PSD3: variants seen among roughly 807,000 people sequenced by gnomAD.
PSD3 encodes pleckstrin and Sec7 domain containing 3, also known as PH and SEC7 domain-containing protein 3.
Under a neutral mutation model 105.5 loss-of-function variants are expected in PSD3, and 49 were observed. That is an observed-to-expected ratio of 0.46 (90% CI 0.37 to 0.59). PSD3 has a LOEUF of 0.59. Among genes scored for constraint, PSD3 ranks in the 20% least tolerant of loss-of-function variants. PSD3 has a pLI of 0.00. For missense variants in PSD3, 1,561 were observed against 1,263.8 expected (o/e 1.24, Z -3.57); for synonymous variants, 557 against 457.8 (o/e 1.22, Z -2.77).
At chr8:18,783,053 G>A (rs1019040618) in intron 8 of PSD3, among the ~76,000 whole-genome samples, 1 of 152,058 alleles carries the variant, frequency 6.6e-6, no homozygotes, top group Non-Finnish European at 1.5e-5. Context: ...TTTTTCTGAA[G>A]GGTGTAAAAA....
chr8:18,780,833 C>A (rs553817624), intron 8 of PSD3, among the ~76,000 whole-genome samples: 1 of 152,130 alleles, frequency 6.6e-6, no homozygotes, highest in Non-Finnish European at 1.5e-5. Flanking sequence ...GTATTACAGG[C>A]GTGAGCCACC....
intron 9 of PSD3, chr8:18,730,174 T>C (rs1358920146): frequency 1.3e-5 from 2 of 152,188 alleles, no homozygotes; most frequent in Non-Finnish European, 2.9e-5. Flanking sequence ...GACTATGAAA[T>C]GTTTCCGTGG....
intron 10 of PSD3, among the ~76,000 whole-genome samples, chr8:18,650,795 C>T (rs1308531877): frequency 6.6e-6 from 1 of 152,222 alleles, no homozygotes; most frequent in African/African-American, 2.4e-5. Context: ...ATTAATACAA[C>T]ATTCTCTTAA....
intron 1 of PSD3, among the ~76,000 whole-genome samples, chr8:18,947,112 A>G (rs1822914769): frequency 6.6e-6 from 1 of 152,182 alleles, no homozygotes; most frequent in East Asian, 1.9e-4. Flanking sequence ...TCCAAAAGTC[A>G]GTAACAACAT....
Position 18,696,536 on chromosome 8 carries a change from G to T in PSD3, c.2173-40851C>A, listed in dbSNP as rs1004139905. 2.6e-5 allele frequency among the ~76,000 whole-genome samples: 4 copies of T among 152,084 alleles called. No individual in the cohort carries two copies. In the South Asian group the frequency reaches 8.3e-4, roughly 32 times the overall value. On this transcript the variant is annotated intron_variant, in intron 9 of 15. Transcript: ENST00000327040. ...CTCAGCTTGTGTTAAGATACATTCC[G>T]AGGAGCAAATAAAAGTGCATTTCTT...
intron 9 of PSD3, among the ~76,000 whole-genome samples, chr8:18,705,747 G>C (rs17645015): frequency 0.026 from 3,893 of 152,130 alleles, 353 homozygotes; most frequent in East Asian, 0.17. Context: ...GGCTATGTCT[G>C]GGTAACTATT....
intron 1 of PSD3, among the ~76,000 whole-genome samples, chr8:18,950,073 C>T (rs1586505872): frequency 6.6e-6 from 1 of 152,070 alleles, no homozygotes; most frequent in East Asian, 1.9e-4. Context: ...AATAGGTGCC[C>T]AATAGCACCT....
At chr8:18,803,921 A>C (rs1810961916) in intron 6 of PSD3, among the ~76,000 whole-genome samples, 2 of 151,644 alleles carry the variant, frequency 1.3e-5, no homozygotes, top group South Asian at 2.1e-4. Flanking sequence ...AAAATTGCTA[A>C]GATGAAAGAT....
chr8:18,561,253 G>T (rs1801380951), intron 14 of PSD3, among the ~76,000 whole-genome samples: 1 of 152,102 alleles, frequency 6.6e-6, no homozygotes, highest in Non-Finnish European at 1.5e-5. Flanking sequence ...AATGGATAAG[G>T]AAAATGTGGT....
At chr8:18,994,689 T>C (rs1022866838) in intron 1 of PSD3, among the ~76,000 whole-genome samples, 2 of 152,040 alleles carry the variant, frequency 1.3e-5, no homozygotes, top group African/African-American at 2.4e-5. Context: ...ATTACCTACA[T>C]TACTTCCATT....
chr8:18,760,424 AACCACCATTTAACTCCATGAATCTGTGAG>A (rs368606727), intron 9 of PSD3, among the ~76,000 whole-genome samples: 8,971 of 152,242 alleles, frequency 0.059, 429 homozygotes, highest in East Asian at 0.21. Context: ...GACCCCTGGT[AACCACCATTTAACTCCATGAATCTGTGAG>A]ATCAACTTTT....
chr8:19,002,372 C>T (rs1323762645), intron 1 of PSD3, among the ~76,000 whole-genome samples: 2 of 151,920 alleles, frequency 1.3e-5, no homozygotes, highest in Non-Finnish European at 2.9e-5. Flanking sequence ...CACTTATAAA[C>T]ACATGGTTCT....
chr8:18,643,859 T>C (rs1302837285), intron 10 of PSD3, among the ~76,000 whole-genome samples: 1 of 152,224 alleles, frequency 6.6e-6, no homozygotes, highest in Non-Finnish European at 1.5e-5. Flanking sequence ...TCTGTGTGCC[T>C]GCAGAATTAG....
At chr8:18,873,803 C>A (rs1251440947) in intron 2 of PSD3, among the ~76,000 whole-genome samples, 1 of 152,156 alleles carries the variant, frequency 6.6e-6, no homozygotes, top group African/African-American at 2.4e-5. Context: ...TTAGATTCTA[C>A]ATATTAGTAA....
In PSD3 at chr8:18,644,690, A is replaced by G. The variant is rs570833349; in HGVS notation, c.2216+10952T>C. Among the ~76,000 whole-genome samples the G allele has an allele frequency of 2.0e-5, 3 of 152,208 alleles. No homozygotes were observed. The East Asian group carries it at 5.8e-4, about 29-fold the overall frequency. ...TGCAGCAGTCTAGGCTTTTTCTAGC[A>G]TTCACTTCATAACTGTCCCAGCTTC... On this transcript the variant is annotated intron_variant, in intron 10 of 15. Coordinates refer to ENST00000327040, the MANE Select transcript of PSD3 (RefSeq NM_015310.4).
chr8:19,068,610 C>G (rs1279018188), intron 1 of PSD3, among the ~76,000 whole-genome samples: 2 of 152,108 alleles, frequency 1.3e-5, no homozygotes, highest in African/African-American at 4.8e-5. Flanking sequence ...CTTTTGATAG[C>G]AAGGGGTGGC....
chr8:18,833,497 T>C (rs201662701), intron 4 of PSD3, among the ~76,000 whole-genome samples: 2 of 152,228 alleles, frequency 1.3e-5, no homozygotes, highest in Admixed American at 1.3e-4. Context: ...ACAGGAACTT[T>C]GTGGAGGCAG....
chr8:18,751,377 C>T (rs1276878228), intron 9 of PSD3, among the ~76,000 whole-genome samples: 1 of 152,180 alleles, frequency 6.6e-6, no homozygotes, highest in African/African-American at 2.4e-5. Context: ...GCTCAAAAGA[C>T]ATCACCAGAG....
At chr8:18,687,482 GCAGTT>G (rs1800721882) in intron 9 of PSD3, among the ~76,000 whole-genome samples, 1 of 141,272 alleles carries the variant, frequency 7.1e-6, no homozygotes, top group African/African-American at 2.9e-5. Context: ...AGAAAATTTA[GCAGTT>G]TTTTTTTTTT....
Sources: gnomAD v4.1 joint callset for allele counts (sites outside exome capture counted in the v4.1 genomes callset) on GRCh38, gnomAD v4.1.1 for gene constraint, MANE v1.5 for transcripts, NCBI Gene and HGNC (gene_info 2026-07-23, HGNC 2026-07-21) for gene names.